CACNA1D: variants seen among roughly 807,000 people sequenced by gnomAD.
CACNA1D encodes voltage-dependent L-type calcium channel subunit alpha-1D.
Under a neutral mutation model 257.1 loss-of-function variants are expected in CACNA1D, and 55 were observed. That is an observed-to-expected ratio of 0.21 (90% CI 0.17 to 0.27). CACNA1D has a LOEUF of 0.27. Ranked by LOEUF, CACNA1D falls within the 10% of genes least tolerant of loss-of-function variation. CACNA1D has a pLI of 1.00. For missense variants in CACNA1D, 1,876 were observed against 2,784.0 expected (o/e 0.67, Z 7.34); for synonymous variants, 980 against 1,014.9 (o/e 0.97, Z 0.65).
chr3:53,537,864 G>T (rs2092159727), intron 3 of CACNA1D, among the ~76,000 whole-genome samples: 1 of 152,084 alleles, frequency 6.6e-6, no homozygotes, highest in African/African-American at 2.4e-5. Context: ...CTGTGAATTT[G>T]GTAGTTGGAC....
chr3:53,544,160 A>G (rs1281849752), intron 3 of CACNA1D, among the ~76,000 whole-genome samples: 1 of 152,106 alleles, frequency 6.6e-6, no homozygotes, highest in East Asian at 1.9e-4. Flanking sequence ...AGATCTGACA[A>G]ATTCATGCTG....
chr3:53,522,542 G>A (rs144604522), intron 3 of CACNA1D, among the ~76,000 whole-genome samples: 105 of 152,344 alleles, frequency 6.9e-4, no homozygotes, highest in African/African-American at 2.2e-3. Flanking sequence ...CAAGAAGTGT[G>A]TTCTTTCTTG....
At chr3:53,706,656 C>T (rs1184284153) in intron 9 of CACNA1D, among the ~76,000 whole-genome samples, 2 of 152,080 alleles carry the variant, frequency 1.3e-5, no homozygotes, top group African/African-American at 2.4e-5. Flanking sequence ...GTACAAATAC[C>T]GTTCTGTGAC....
chr3:53,620,090 T>C (rs1262348060), intron 3 of CACNA1D, among the ~76,000 whole-genome samples: 2 of 152,166 alleles, frequency 1.3e-5, no homozygotes, highest in Admixed American at 6.5e-5. Flanking sequence ...CTAAGTATCA[T>C]GTATCAGCTC....
chr3:53,717,536 C>T (rs189323830), intron 9 of CACNA1D, among the ~76,000 whole-genome samples: 17 of 152,202 alleles, frequency 1.1e-4, no homozygotes, highest in South Asian at 1.0e-3. Context: ...CCTCTACTTC[C>T]GCTCAGGATC....
chr3:53,791,071 G>T (rs1271043659), intron 40 of CACNA1D: 1 of 700,480 alleles, frequency 1.4e-6, no homozygotes, highest in Non-Finnish European at 2.6e-6. Flanking sequence ...CCTTGAAAGG[G>T]AAAAGTCTCA....
At chr3:53,628,694 G>A (rs1377898748) in intron 3 of CACNA1D, among the ~76,000 whole-genome samples, 1 of 152,162 alleles carries the variant, frequency 6.6e-6, no homozygotes, top group African/African-American at 2.4e-5. Flanking sequence ...AAAGCTGAGC[G>A]CCATATGTGA....
intron 3 of CACNA1D, among the ~76,000 whole-genome samples, chr3:53,645,310 G>T (rs1171185429): frequency 6.6e-6 from 1 of 152,046 alleles, no homozygotes; most frequent in Admixed American, 6.5e-5. Context: ...GTGTGTAAGC[G>T]TTTTAGTTAG....
chr3:53,808,413 C>CAAAA, intron 45 of CACNA1D: 1 of 421,682 alleles, frequency 2.4e-6, no homozygotes. Context: ...GACTCCATCT[C>CAAAA]AAAAAAAAAA....
intron 3 of CACNA1D, among the ~76,000 whole-genome samples, chr3:53,648,442 TG>T (rs1288782597): frequency 6.6e-6 from 1 of 152,168 alleles, no homozygotes; most frequent in Non-Finnish European, 1.5e-5. Context: ...ATGGCTTCAT[TG>T]AGGCCTTCCT....
intron 3 of CACNA1D, among the ~76,000 whole-genome samples, chr3:53,558,745 C>A (rs2092688130): frequency 6.6e-6 from 1 of 152,092 alleles, no homozygotes; most frequent in Non-Finnish European, 1.5e-5. Flanking sequence ...TCAAATCATT[C>A]TTCTCTATGC....
At chr3:53,518,950 C>T (rs2091450274) in intron 3 of CACNA1D, among the ~76,000 whole-genome samples, 1 of 152,234 alleles carries the variant, frequency 6.6e-6, no homozygotes. Context: ...TTCTCTAAGT[C>T]TGCAGTCTCG....
chr3:53,759,908 C>T (rs1480691856), intron 29 of CACNA1D, among the ~76,000 whole-genome samples: 2 of 152,172 alleles, frequency 1.3e-5, no homozygotes, highest in African/African-American at 4.8e-5. Context: ...GTTTTGCCAG[C>T]CAAGAATCAT....
chr3:53,775,296 G>C (rs2095390732), intron 34 of CACNA1D, among the ~76,000 whole-genome samples: 1 of 152,134 alleles, frequency 6.6e-6, no homozygotes, highest in Non-Finnish European at 1.5e-5. Context: ...TAATCAATAG[G>C]CCAGGTGCAG....
Position 53,673,303 on chromosome 3 carries a change from G to C in CACNA1D, c.1220+177G>C, listed in dbSNP as rs1272487998. ...CAAGCTGTTTCCTGGAACCTCACCA[G>C]GCTTCATGAAGGAGAACTATAGAAC... On this transcript the variant is annotated intron_variant, in intron 8 of 47. Transcript: ENST00000350061. This position sits in a 1 kb window ranked among gnomAD's most constrained non-coding sequence, Gnocchi z 4.1. Among the ~76,000 whole-genome samples, 3 of 152,144 alleles carry C rather than the reference G, an allele frequency of 2.0e-5. No individual in the cohort carries two copies. Among genetic ancestry groups the C allele is most frequent in the South Asian group, 4.1e-4 (2 of 4,828 alleles).
intron 3 of CACNA1D, among the ~76,000 whole-genome samples, chr3:53,582,715 G>GC (rs1353050351): frequency 3.3e-5 from 5 of 152,104 alleles, no homozygotes; most frequent in Non-Finnish European, 5.9e-5. Context: ...CACCTCCCAA[G>GC]CCCCCCACTG....
At position 53,742,845 on chromosome 3, in the gene CACNA1D, T is replaced by G. The variant is rs2577328; in HGVS notation, c.2812-166T>G. Among the ~76,000 whole-genome samples the G allele has an allele frequency of 0.78, 118,374 of 152,144 alleles. 47,287 individuals carry two copies. Among genetic ancestry groups the G allele is most frequent in the East Asian group, 1 (5,182 of 5,186 alleles). On this transcript the variant is annotated intron_variant, in intron 21 of 47. Coordinates refer to ENST00000350061, the MANE Select transcript of CACNA1D (RefSeq NM_001128840.3). ...AAATAAGCTGCCCCTTTTTGATTTT[T>G]GTTTGAAGAAATTATCCTGTGGCTC... is the stretch of plus-strand genomic sequence containing the variant.
At position 53,751,767 on chromosome 3, in the gene CACNA1D, G is replaced by T. The variant is rs757830356; in HGVS notation, c.3535G>T (p.Ala1179Ser). 1.2e-6 allele frequency: 2 copies of T among 1,614,120 alleles called. No individual in the cohort carries two copies. The highest frequency in any genetic ancestry group is 1.1e-5 in the South Asian group (1 of 91,076). ...DKNQRQCVEY[A>S]LKARPLRRYI... ...GTTGCAGCGTCAGTGTGTTGAATACGCCTTGAAAGCACGTCCCTTGCGGAG... is the reference window on the plus strand; with the variant it reads ...GTTGCAGCGTCAGTGTGTTGAATACTCCTTGAAAGCACGTCCCTTGCGGAG... The change falls in exon 28 of 48, where the codon GCC becomes TCC. Residue 1179 changes from alanine to serine, a missense_variant. Ala to Ser is a moderately conservative substitution (Grantham distance 99, BLOSUM62 1). Transcript: ENST00000350061. This position sits in a 1 kb window ranked among gnomAD's most constrained non-coding sequence, Gnocchi z 4.3.
chr3:53,572,366 GTTTGTTTGTTTATTTATTTA>G (rs1343856371), intron 3 of CACNA1D, among the ~76,000 whole-genome samples: 38 of 60,076 alleles, frequency 6.3e-4, no homozygotes, highest in African/African-American at 2.0e-3. Flanking sequence ...TGGTTTGTTT[GTTTGTTTGTTTATTTATTTA>G]TTTATTTATT....
Sources: gnomAD v4.1 joint callset for allele counts (sites outside exome capture counted in the v4.1 genomes callset) on GRCh38, gnomAD v4.1.1 for gene constraint, Gnocchi (gnomAD v3.1) non-coding constraint, MANE v1.5 for transcripts, NCBI Gene and HGNC (gene_info 2026-07-23, HGNC 2026-07-21) for gene names.